Variants in RIMBP2 observed in about 807,000 individuals in gnomAD.
RIMBP2 encodes RIMS binding protein 2, also known as RIMS-binding protein 2.
RIMBP2 carries 48 observed loss-of-function variants against 118.6 expected under a neutral mutation model. The ratio of observed to expected loss-of-function variants is 0.40; its 90% confidence interval spans 0.32 to 0.51. The LOEUF is 0.51. Among genes scored for constraint, RIMBP2 ranks in the 20% least tolerant of loss-of-function variants. The pLI is 0.41. For missense variants in RIMBP2, 1,551 were observed against 1,768.3 expected (o/e 0.88, Z 2.20); for synonymous variants, 762 against 742.9 (o/e 1.03, Z -0.42).
chr12:130,461,805 C>T (rs1436166451), intron 6 of RIMBP2, among the ~76,000 whole-genome samples: 1 of 152,152 alleles, frequency 6.6e-6, no homozygotes, highest in East Asian at 1.9e-4. Flanking sequence ...TTTCCCAAGG[C>T]CTCCCCAGAA....
chr12:130,410,364 T>G (rs1195562513), intron 19 of RIMBP2, among the ~76,000 whole-genome samples: 2 of 152,204 alleles, frequency 1.3e-5, no homozygotes, highest in Non-Finnish European at 2.9e-5. Flanking sequence ...TGCAGAGTAT[T>G]TAATTTTGGT....
chr12:130,649,941 G>A (rs1479706114), intron 1 of RIMBP2, among the ~76,000 whole-genome samples: 1 of 152,006 alleles, frequency 6.6e-6, no homozygotes, highest in Non-Finnish European at 1.5e-5. Context: ...CCAAAGTCAA[G>A]CCTTGTCTGC....
intron 1 of RIMBP2, among the ~76,000 whole-genome samples, chr12:130,644,749 C>T (rs2062774524): frequency 6.6e-6 from 1 of 152,228 alleles, no homozygotes; most frequent in Non-Finnish European, 1.5e-5. Context: ...CATATGGCCA[C>T]AACCACTGCG....
intron 3 of RIMBP2, among the ~76,000 whole-genome samples, chr12:130,516,968 TG>T (rs1279329965): frequency 6.6e-6 from 1 of 152,000 alleles, no homozygotes. Flanking sequence ...GGAGGAGAGC[TG>T]GGGCACGTCT....
intron 2 of RIMBP2, among the ~76,000 whole-genome samples, chr12:130,595,674 G>T (rs1267958816): frequency 9.6e-5 from 5 of 52,020 alleles, no homozygotes; most frequent in African/African-American, 2.6e-4. Flanking sequence ...GAGCCTGTGT[G>T]AGAACAATGC....
At chr12:130,705,708 C>T (rs1016042987) in intron 1 of RIMBP2, among the ~76,000 whole-genome samples, 4 of 152,256 alleles carry the variant, frequency 2.6e-5, no homozygotes, top group African/African-American at 9.6e-5. Flanking sequence ...TGAACTGCTG[C>T]AGGGCCACAG....
intron 13 of RIMBP2, among the ~76,000 whole-genome samples, chr12:130,435,964 C>T (rs549694534): frequency 3.9e-5 from 6 of 152,312 alleles, no homozygotes; most frequent in South Asian, 4.1e-4. Context: ...CAGAGGAACA[C>T]TCACAGGAGG....
At chr12:130,545,571 A>G (rs1356733204) in intron 2 of RIMBP2, among the ~76,000 whole-genome samples, 2 of 152,192 alleles carry the variant, frequency 1.3e-5, no homozygotes, top group Non-Finnish European at 2.9e-5. Flanking sequence ...AAAATGTAAA[A>G]TTGCATTCGT....
intron 2 of RIMBP2, among the ~76,000 whole-genome samples, chr12:130,585,141 T>C (rs1190587180): frequency 6.6e-6 from 1 of 152,188 alleles, no homozygotes; most frequent in Non-Finnish European, 1.5e-5. Context: ...CCTCTTGACT[T>C]GGCCTCTGAA....
In RIMBP2 at chr12:130,683,689, T is replaced by C. The variant is rs1190697106; in HGVS notation, c.-352+32533A>G. Among the ~76,000 whole-genome samples the C allele has an allele frequency of 1.3e-5, 2 of 151,784 alleles. No homozygotes were observed. The highest frequency in any genetic ancestry group is 4.8e-5 in the African/African-American group (2 of 41,282). ...ACCAAAACCAAGATGACCACAAGAG[T>C]GATCTCTGGTCATCCTCATTGCTAC... is the stretch of plus-strand genomic sequence containing the variant. On this transcript the variant is annotated intron_variant, in intron 1 of 22. Transcript: ENST00000690449. This position sits in a 1 kb window ranked among gnomAD's most constrained non-coding sequence, Gnocchi z 4.4.
intron 7 of RIMBP2, 98 bp downstream of exon 7, chr12:130,456,398 A>C: frequency 9.9e-6 from 10 of 1,013,770 alleles, no homozygotes; most frequent in South Asian, 5.2e-5. Flanking sequence ...ACCCTCTGCC[A>C]GGTGTCACCA....
Position 130,690,089 on chromosome 12 carries a change from T to C in RIMBP2, c.-352+26133A>G, listed in dbSNP as rs112066306. Among the ~76,000 whole-genome samples the C allele has an allele frequency of 3.2e-3, 483 of 152,268 alleles. 3 individuals are homozygous for C. Among genetic ancestry groups the C allele is most frequent in the African/African-American group, 0.011 (464 of 41,566 alleles). On this transcript the variant is annotated intron_variant, in intron 1 of 22. Coordinates refer to ENST00000690449, the MANE Select transcript of RIMBP2 (RefSeq NM_001393629.1). The stretch of plus-strand genomic sequence containing the variant: ...CAGTGCCTTCGGGTCCTCACTTCTG[T>C]CTTCAAAGTCAGCAAGGGCGGGTCA...
intron 4 of RIMBP2, among the ~76,000 whole-genome samples, chr12:130,489,280 G>A (rs10773788): frequency 0.98 from 149,672 of 152,268 alleles, 73,612 homozygotes; most frequent in East Asian, 1. Context: ...GTGTGTGTAC[G>A]CCTGGATGAG....
rs529679479 is a variant in RIMBP2 at position 130,460,550 on chromosome 12, T to TAGC, written c.154-3853_154-3851dup. Among the ~76,000 whole-genome samples the TAGC allele has an allele frequency of 1.9e-3, 289 of 152,178 alleles. 1 individual carries two copies. Among genetic ancestry groups the TAGC allele is most frequent in the African/African-American group, 6.6e-3 (276 of 41,532 alleles). ...ATTAGTATTAATAGCAGCCTAGTAT[T>TAGC]AGCAGCAGCAGCAGCAGCAATATTG... is the stretch of plus-strand genomic sequence containing the variant. On this transcript the variant is annotated intron_variant, in intron 6 of 22. Coordinates refer to ENST00000690449, the MANE Select transcript of RIMBP2 (RefSeq NM_001393629.1).
intron 2 of RIMBP2, among the ~76,000 whole-genome samples, chr12:130,595,667 C>A (rs1327535831): frequency 1.2e-4 from 8 of 69,010 alleles, no homozygotes. Flanking sequence ...CGGCAAAGAG[C>A]CTGTGTGAGA....
chr12:130,610,833 T>TAC (rs1455535489), intron 2 of RIMBP2, among the ~76,000 whole-genome samples: 1 of 152,078 alleles, frequency 6.6e-6, no homozygotes, highest in African/African-American at 2.4e-5. Context: ...GTGCTGGGAT[T>TAC]ACAGGCGTGA....
In RIMBP2 at chr12:130,438,418, G is replaced by C; in HGVS notation, c.1603C>G (p.Leu535Val). ...CCGGTAACGTTTGCGCCATTGGACA[G>C]CCCGGTGGGCGTCAGCACAGGTGGT... is the stretch of plus-strand genomic sequence containing the variant. ...WRPPVLTPTGLSNGANVTGYG... is the reference protein window; with the variant it reads ...WRPPVLTPTGVSNGANVTGYG... Residue 535 changes from leucine (L) to valine (V), a missense_variant, in exon 12 of 23, where the codon CTG (leucine) becomes GTG (valine). Coordinates refer to ENST00000690449, the MANE Select transcript of RIMBP2 (RefSeq NM_001393629.1). 6.3e-7 allele frequency: 1 copy of C among 1,581,606 alleles called. No individual in the cohort carries two copies. The highest frequency in any genetic ancestry group is 8.6e-7 in the Non-Finnish European group (1 of 1,160,956).
chr12:130,588,628 G>GA (rs1030131896), intron 2 of RIMBP2, among the ~76,000 whole-genome samples: 32 of 152,326 alleles, frequency 2.1e-4, no homozygotes, highest in African/African-American at 6.7e-4. Context: ...GAACCAGAAA[G>GA]ATTTCAGGAG....
intron 14 of RIMBP2, chr12:130,428,859 A>T (rs1362663590): frequency 6.6e-6 from 1 of 152,582 alleles, no homozygotes; most frequent in African/African-American, 2.4e-5. Context: ...GCACTTTGGG[A>T]GGCCGAGGTG....
Sources: allele counts gnomAD v4.1 joint callset (sites outside exome capture counted in the v4.1 genomes callset), GRCh38; gene constraint gnomAD v4.1.1; non-coding constraint Gnocchi (gnomAD v3.1); transcripts MANE v1.5; gene names NCBI Gene and HGNC (gene_info 2026-07-23, HGNC 2026-07-21).